Variants in COL5A2 observed in about 807,000 individuals in gnomAD.
COL5A2 encodes the protein collagen type V alpha 2 chain.
Under a neutral mutation model 208.2 loss-of-function variants are expected in COL5A2, and 23 were observed. The ratio of observed to expected loss-of-function variants is 0.11; its 90% CI spans 0.08 to 0.16. The LOEUF is 0.16. Ranked by LOEUF, COL5A2 falls within the 10% of genes least tolerant of loss-of-function variation. The pLI is 1.00. For missense variants in COL5A2, 1,590 were observed against 1,956.4 expected, an observed-to-expected ratio of 0.81 and a Z score of 3.53; for synonymous variants, 625 against 628.5, an observed-to-expected ratio of 0.99 and a Z score of 0.08.
At chr2:189,174,682 T>C (rs903094456) in intron 1 of COL5A2, among the ~76,000 whole-genome samples, 1 of 152,196 alleles carries the variant, frequency 6.6e-6, no homozygotes, top group African/African-American at 2.4e-5. Flanking sequence ...AGAATCTATA[T>C]TAGTCACAAG....
intron 23 of COL5A2, among the ~76,000 whole-genome samples, chr2:189,065,674 G>A (rs755788452): frequency 5.9e-5 from 9 of 152,194 alleles, no homozygotes; most frequent in Non-Finnish European, 1.2e-4. Flanking sequence ...ACATGCATTA[G>A]TGACATTTTT....
the COL5A2 span, among the ~76,000 whole-genome samples, chr2:189,357,818 C>T: frequency 6.5e-4 from 99 of 151,908 alleles, 2 homozygotes; most frequent in South Asian, 0.02. Flanking sequence ...AAGGGCTCCC[C>T]AGTTTTGTGC....
chr2:189,174,244 G>A lies in COL5A2; in HGVS notation c.97+5264C>T, dbSNP rs146616862. On this transcript the variant is annotated intron_variant, in intron 1 of 53. Coordinates refer to ENST00000374866, the MANE Select transcript of COL5A2 (RefSeq NM_000393.5). ...GGCCTGTAGCGATAGTGCTCAAAGTGTGAAGAGCAGAAAGTAAGAGAGAGG... is the reference window on the plus strand; with the variant it reads ...GGCCTGTAGCGATAGTGCTCAAAGTATGAAGAGCAGAAAGTAAGAGAGAGG... Among the ~76,000 whole-genome samples the A allele has an allele frequency of 5.9e-5, 9 of 152,306 alleles. No individual in the cohort carries two copies. In the East Asian group the frequency reaches 1.7e-3, roughly 29 times the overall value.
At chr2:189,178,691 C>T (rs1362521816) in intron 1 of COL5A2, among the ~76,000 whole-genome samples, 1 of 140,996 alleles carries the variant, frequency 7.1e-6, no homozygotes, top group African/African-American at 2.6e-5. Context: ...AATGTGGTCA[C>T]CAGGCAAGAT....
chr2:189,103,102 C>G (rs980422874), intron 3 of COL5A2, among the ~76,000 whole-genome samples: 1 of 148,592 alleles, frequency 6.7e-6, no homozygotes, highest in African/African-American at 2.4e-5. Flanking sequence ...ATAGATTGGT[C>G]TGTCTCTCTA....
the COL5A2 span, among the ~76,000 whole-genome samples, chr2:189,263,901 C>T: frequency 2.0e-5 from 3 of 152,034 alleles, no homozygotes; most frequent in African/African-American, 7.2e-5. Context: ...AATATATCTC[C>T]ATCATTAAGT....
chr2:189,390,316 A>G, the COL5A2 span, among the ~76,000 whole-genome samples: 1 of 152,184 alleles, frequency 6.6e-6, no homozygotes. Flanking sequence ...GGTTGATCTG[A>G]CTTGAAAGTC....
chr2:189,423,164 C>T, the COL5A2 span, among the ~76,000 whole-genome samples: 6,563 of 150,522 alleles, frequency 0.044, 204 homozygotes, highest in Non-Finnish European at 0.067. Flanking sequence ...GAAATGAAAA[C>T]ACAATATCAA....
the COL5A2 span, among the ~76,000 whole-genome samples, chr2:189,360,244 C>T: frequency 6.6e-6 from 1 of 151,974 alleles, no homozygotes; most frequent in Non-Finnish European, 1.5e-5. Context: ...ATGCTCAGCA[C>T]CTAGAAAAAT....
rs537127656 is a variant in COL5A2 at position 189,039,422 on chromosome 2, C to T, written c.3775G>A (p.Asp1259Asn). The T allele has an allele frequency of 7.4e-6, 12 of 1,614,032 alleles. No homozygotes were observed. In the South Asian group the frequency reaches 1.3e-4, roughly 18 times the overall value. Residue 1259 changes from aspartate to asparagine, a missense_variant, in exon 51 of 54, where the codon GAT becomes AAT. Asp to Asn is a conservative substitution (Grantham distance 23, BLOSUM62 1). Coordinates refer to ENST00000374866, the MANE Select transcript of COL5A2 (RefSeq NM_000393.5). The part of the protein sequence containing the change: ...PEFTEDQAAP[D>N]DKNKTDPGVH... The stretch of plus-strand genomic sequence containing the variant: ...CCTGGGTCCGTTTTGTTTTTGTCAT[C>T]AGGAGCCGCCTGATCTTCAGTAAAC...
intron 16 of COL5A2, 140 bp downstream of exon 16, chr2:189,078,376 C>G: frequency 1.4e-6 from 1 of 698,668 alleles, no homozygotes; most frequent in South Asian, 1.6e-5. Context: ...GTAAACCTGA[C>G]TTTATTCCAA....
chr2:189,098,618 A>G, intron 5 of COL5A2, 109 bp downstream of exon 5: 1 of 894,228 alleles, frequency 1.1e-6, no homozygotes, highest in African/African-American at 1.6e-5. Flanking sequence ...TTAAGAGACC[A>G]AGTATCATTG....
At chr2:189,300,558 A>C in the COL5A2 span, among the ~76,000 whole-genome samples, 1 of 152,180 alleles carries the variant, frequency 6.6e-6, no homozygotes, top group African/African-American at 2.4e-5. Flanking sequence ...AAGGGGAAAA[A>C]CCCCAAAGAA....
chr2:189,419,277 T>C, the COL5A2 span, among the ~76,000 whole-genome samples: 3 of 152,192 alleles, frequency 2.0e-5, no homozygotes, highest in Admixed American at 2.0e-4. Context: ...TCCCTGGCCC[T>C]GTAAATTGCT....
At chr2:189,264,212 T>TC in the COL5A2 span, among the ~76,000 whole-genome samples, 1 of 151,868 alleles carries the variant, frequency 6.6e-6, no homozygotes, top group African/African-American at 2.4e-5. Context: ...GTAAAATAAG[T>TC]CCAAGAGATA....
intron 1 of COL5A2, among the ~76,000 whole-genome samples, chr2:189,137,592 G>T (rs1206917901): frequency 6.6e-6 from 1 of 152,146 alleles, no homozygotes; most frequent in Non-Finnish European, 1.5e-5. Context: ...TAATTTGTTA[G>T]CCATGGATCC....
Position 189,041,643 on chromosome 2 carries a change from T to G in COL5A2, c.3576A>C (p.Pro1192=). 1 of 1,614,140 alleles carries G rather than the reference T, an allele frequency of 6.2e-7. No homozygotes were observed. The highest frequency in any genetic ancestry group is 1.7e-5 in the Admixed American group (1 of 60,030). The change falls in exon 50 of 54, where the codon CCA becomes CCC. Residue 1192 remains proline, a synonymous_variant. Coordinates refer to ENST00000374866, the MANE Select transcript of COL5A2 (RefSeq NM_000393.5). ...CACCTGGAGGTCCAATTGGCCCAAG[T>G]GGCCCAGGGTTTCCTTCTTTACCTG... is the stretch of plus-strand genomic sequence containing the variant. ...GPSGKEGNPG[P]LGPIGPPGVR...
chr2:189,223,997 C>A (rs1437565030), intron 1 of COL5A2, among the ~76,000 whole-genome samples: 1 of 151,770 alleles, frequency 6.6e-6, no homozygotes, highest in Non-Finnish European at 1.5e-5. Flanking sequence ...CATTGTGATA[C>A]CTCTAAGAAA....
At chr2:189,384,356 A>C in the COL5A2 span, among the ~76,000 whole-genome samples, 1 of 152,084 alleles carries the variant, frequency 6.6e-6, no homozygotes. Flanking sequence ...GGCTATACTA[A>C]TTTATATTCT....
Sources: allele counts gnomAD v4.1 joint callset (sites outside exome capture counted in the v4.1 genomes callset), GRCh38; gene constraint gnomAD v4.1.1; transcripts MANE v1.5; gene names NCBI Gene and HGNC (gene_info 2026-07-23, HGNC 2026-07-21).